The following S100PBP variants were observed in gnomAD, a reference collection of about 807,000 sequenced individuals.
The protein encoded by S100PBP is S100P-binding protein.
S100PBP carries 15 observed loss-of-function variants against 39.9 expected under a neutral mutation model. That is an observed-to-expected ratio of 0.38 (90% CI 0.25 to 0.58). The LOEUF (loss-of-function observed/expected upper bound fraction) is 0.58, where lower values mean the gene tolerates loss of function less well. Among genes scored for constraint, S100PBP ranks in the 20% least tolerant of loss-of-function variants. The pLI is 0.70. For missense variants in S100PBP, 504 were observed against 487.3 expected (o/e 1.03, Z -0.32); for synonymous variants, 178 against 180.3 (o/e 0.99, Z 0.10).
chr1:32,828,571 G>A (rs1399389167), intron 4 of S100PBP, among the ~76,000 whole-genome samples: 4 of 152,072 alleles, frequency 2.6e-5, no homozygotes, highest in Non-Finnish European at 5.9e-5. Context: ...GGAGATGGCA[G>A]TATCTTTACA....
chr1:32,828,621 T>A (rs977284386), intron 4 of S100PBP, among the ~76,000 whole-genome samples: 3 of 152,188 alleles, frequency 2.0e-5, no homozygotes, highest in Admixed American at 1.3e-4. Context: ...AAGCTTTTTT[T>A]AAAATGTTGG....
chr1:32,823,792 G>A (rs1244697306), intron 1 of S100PBP, among the ~76,000 whole-genome samples: 17 of 152,256 alleles, frequency 1.1e-4, no homozygotes, highest in East Asian at 7.7e-4. Flanking sequence ...TATACATTAC[G>A]TATTATACAT....
chr1:32,849,227 C>T (rs1640510839), intron 5 of S100PBP, among the ~76,000 whole-genome samples: 1 of 151,884 alleles, frequency 6.6e-6, no homozygotes, highest in Non-Finnish European at 1.5e-5. Context: ...TCACTGCAGC[C>T]TCCACCTCAT....
chr1:32,826,140 C>CCT lies in S100PBP; in HGVS notation c.48_49dup (p.Leu17SerfsTer36). 1 of 1,613,876 alleles carries CCT rather than the reference C, an allele frequency of 6.2e-7. No individual in the cohort carries two copies. Among genetic ancestry groups the CCT allele is most frequent in the Non-Finnish European group, 8.5e-7 (1 of 1,179,860 alleles). The stretch of plus-strand genomic sequence containing the variant: ...GTGCCCTCTGAACAGTCTTCTGGTA[C>CCT]CTCTCTCTTGCCTAAAGACGGTGCC... On this transcript the variant is annotated frameshift_variant, in exon 3 of 7. Transcript: ENST00000373475. LOFTEE classifies it high-confidence loss of function.
chr1:32,821,571 C>T (rs925592874), intron 1 of S100PBP, among the ~76,000 whole-genome samples: 9 of 151,580 alleles, frequency 5.9e-5, no homozygotes, highest in African/African-American at 1.5e-4. Flanking sequence ...CCGCCCTCCT[C>T]GGCCTCCCAA....
intron 5 of S100PBP, chr1:32,843,105 G>C (rs1640196070): frequency 6.6e-6 from 1 of 152,068 alleles, no homozygotes; most frequent in Non-Finnish European, 1.5e-5. Context: ...TGATTTTTGT[G>C]TCTTGGTCTT....
At chr1:32,853,263 G>GGATCATTTGA in intron 6 of S100PBP, 97 bp downstream of exon 6, 1 of 192,876 alleles carries the variant, frequency 5.2e-6, no homozygotes, top group Non-Finnish European at 9.5e-6. Context: ...CAAGGTGGGT[G>GGATCATTTGA]GGTCGTTTGA....
At chr1:32,837,990 TA>T (rs1639907928) in intron 5 of S100PBP, among the ~76,000 whole-genome samples, 1 of 152,172 alleles carries the variant, frequency 6.6e-6, no homozygotes, top group Non-Finnish European at 1.5e-5. Flanking sequence ...TTATTTTTCT[TA>T]AGTAAATATC....
At chr1:32,842,501 T>A (rs1011179931) in intron 5 of S100PBP, among the ~76,000 whole-genome samples, 4 of 152,118 alleles carry the variant, frequency 2.6e-5, no homozygotes, top group Non-Finnish European at 4.4e-5. Flanking sequence ...ATATAAATTT[T>A]AGAATTAGCG....
chr1:32,817,043 A>G (rs1421307902), upstream of S100PBP: 2 of 1,028,170 alleles, frequency 1.9e-6, no homozygotes, highest in Non-Finnish European at 3.0e-6. Context: ...CTGACCGACC[A>G]GCAGTGAGAT....
intron 1 of S100PBP, among the ~76,000 whole-genome samples, chr1:32,822,728 T>C (rs971326048): frequency 6.6e-6 from 1 of 152,108 alleles, no homozygotes; most frequent in African/African-American, 2.4e-5. Flanking sequence ...TATATGGTAT[T>C]GTTTTGTATA....
chr1:32,825,947 T>C (rs1639302023), intron 2 of S100PBP, among the ~76,000 whole-genome samples, 151 bp from the exon 3 acceptor site: 1 of 152,248 alleles, frequency 6.6e-6, no homozygotes, highest in Non-Finnish European at 1.5e-5. Context: ...TCCATGTTTC[T>C]GGTAAGGTTA....
At chr1:32,817,373 G>A, upstream of S100PBP, 1 of 1,218,498 alleles carries the variant, frequency 8.2e-7, no homozygotes, top group Non-Finnish European at 1.2e-6. Flanking sequence ...TCGGCGCTCC[G>A]CTTACTCGGC....
At chr1:32,823,360 C>G (rs1393183634) in intron 1 of S100PBP, among the ~76,000 whole-genome samples, 4 of 152,186 alleles carry the variant, frequency 2.6e-5, no homozygotes, top group African/African-American at 9.7e-5. Flanking sequence ...ATGAATAACT[C>G]AGTCACTAAT....
intron 5 of S100PBP, among the ~76,000 whole-genome samples, chr1:32,838,801 C>T (rs1428028669): frequency 1.3e-5 from 2 of 151,858 alleles, no homozygotes; most frequent in Non-Finnish European, 2.9e-5. Context: ...TGAGATCATG[C>T]CATTGCACTT....
Position 32,826,919 on chromosome 1 carries a change from T to C in S100PBP, c.820T>C (p.Ser274Pro). The C allele has an allele frequency of 6.4e-7, 1 of 1,570,958 alleles. No individual in the cohort carries two copies. Among genetic ancestry groups the C allele is most frequent in the Non-Finnish European group, 8.6e-7 (1 of 1,159,510 alleles). Residue 274 changes from serine (S) to proline (P), a missense_variant, in exon 3 of 7, where the codon TCA becomes CCA. Physicochemically the swap from Ser to Pro is moderately conservative, Grantham distance 74 (BLOSUM62 -1). Transcript: ENST00000373475. ...CEMRSLVVSTSSNKQDVLNKD... is the reference protein window; with the variant it reads ...CEMRSLVVSTPSNKQDVLNKD... ...AATGAGATCTCTGGTTGTTTCCACC[T>C]CATCAAACAAAGTAAGTATATTTTA...
Position 32,853,155 on chromosome 1 carries a change from C to T in S100PBP, c.1101C>T (p.Asp367=), listed in dbSNP as rs1640684034. ...MQHSKWQHPS[D]LTTRNYARRQ... ...ACTCAAAATGGCAGCATCCTTCGGA[C>T]CTCACCACGCGGTGAGTGGGTGATT... is the stretch of plus-strand genomic sequence containing the variant. Residue 367 remains aspartate (D), a synonymous_variant, in exon 6 of 7, where the codon GAC becomes GAT. Transcript: ENST00000373475. 3 of 1,610,402 alleles carry T rather than the reference C, an allele frequency of 1.9e-6. No individual in the cohort carries two copies. The highest frequency in any genetic ancestry group is 1.1e-5 in the South Asian group (1 of 90,998).
chr1:32,825,843 C>T (rs1019202579), intron 2 of S100PBP, among the ~76,000 whole-genome samples: 22 of 152,202 alleles, frequency 1.4e-4, no homozygotes, highest in African/African-American at 3.9e-4. Context: ...TGTGAATGCT[C>T]GTTTCTCCAC....
At position 32,826,780 on chromosome 1, in the gene S100PBP, T is replaced by C. The variant is rs1639351075; in HGVS notation, c.681T>C (p.Asn227=). ...NNFQQTVSDK[N]MPDSENPTSV... The stretch of plus-strand genomic sequence containing the variant: ...TTCAACAGACTGTCTCTGATAAAAA[T>C]ATGCCTGACAGTGAGAACCCTACGT... The change falls in exon 3 of 7, where the codon AAT becomes AAC. Residue 227 remains asparagine (N), a synonymous_variant. Coordinates refer to ENST00000373475, the MANE Select transcript of S100PBP (RefSeq NM_022753.4). The C allele has an allele frequency of 1.2e-6, 2 of 1,614,008 alleles. No individual in the cohort carries two copies. The highest frequency in any genetic ancestry group is 1.3e-5 in the African/African-American group (1 of 74,904).
Sources: allele counts gnomAD v4.1 joint callset (sites outside exome capture counted in the v4.1 genomes callset), GRCh38; gene constraint gnomAD v4.1.1; transcripts MANE v1.5; gene names NCBI Gene and HGNC (gene_info 2026-07-23, HGNC 2026-07-21).